Variants in ZBTB20 observed in about 807,000 individuals in gnomAD.
ZBTB20 encodes zinc finger and BTB domain-containing protein 20.
A neutral mutation model predicts 56.9 loss-of-function variants in ZBTB20; 9 were observed. That is an observed-to-expected ratio of 0.16 (90% CI 0.10 to 0.28). The LOEUF (loss-of-function observed/expected upper bound fraction) is 0.28, where lower values mean the gene tolerates loss of function less well. ZBTB20 is among the 10% of genes least tolerant of loss of function. ZBTB20 has a pLI of 1.00. For synonymous variants in ZBTB20, 417 were observed against 420.7 expected, an observed-to-expected ratio of 0.99 and a Z score of 0.11; for missense variants, 655 against 1,003.0, an observed-to-expected ratio of 0.65 and a Z score of 4.69.
chr3:114,851,806 T>C (rs751274321), intron 4 of ZBTB20, among the ~76,000 whole-genome samples: 12 of 152,184 alleles, frequency 7.9e-5, no homozygotes, highest in Non-Finnish European at 1.5e-4. Flanking sequence ...TTTAAAGATA[T>C]GGATATTCCT....
intron 2 of ZBTB20, among the ~76,000 whole-genome samples, chr3:114,990,684 C>CTCTGGTAG (rs1251286726): frequency 1.3e-5 from 2 of 152,112 alleles, no homozygotes; most frequent in Admixed American, 6.6e-5. Flanking sequence ...GGAATGGTAC[C>CTCTGGTAG]AGCTCCTCCT....
chr3:115,009,518 A>G (rs1187867376), intron 2 of ZBTB20, among the ~76,000 whole-genome samples: 2 of 151,916 alleles, frequency 1.3e-5, no homozygotes, highest in Non-Finnish European at 2.9e-5. Context: ...TAGAGGTTAC[A>G]TATGTGCATG....
chr3:114,730,725 A>C (rs2065673139), intron 5 of ZBTB20, among the ~76,000 whole-genome samples: 1 of 152,184 alleles, frequency 6.6e-6, no homozygotes, highest in Non-Finnish European at 1.5e-5. Context: ...TAGCCTCCAG[A>C]GTTGTGAGAA....
At chr3:114,573,267 C>T (rs1288721033) in intron 6 of ZBTB20, among the ~76,000 whole-genome samples, 3 of 151,950 alleles carry the variant, frequency 2.0e-5, no homozygotes, top group Non-Finnish European at 2.9e-5. Flanking sequence ...CGAGACCACC[C>T]TAGGCAACAT....
At chr3:114,917,178 G>A (rs956722496) in intron 3 of ZBTB20, among the ~76,000 whole-genome samples, 51 of 152,118 alleles carry the variant, frequency 3.4e-4, no homozygotes, top group African/African-American at 1.2e-3. Flanking sequence ...TCTTCAGGGT[G>A]TCAACTGCAT....
At chr3:114,814,523 C>T (rs2072783525) in intron 4 of ZBTB20, among the ~76,000 whole-genome samples, 1 of 152,102 alleles carries the variant, frequency 6.6e-6, no homozygotes, top group Non-Finnish European at 1.5e-5. Flanking sequence ...TAGTTTTCTT[C>T]TACCTTCGAA....
At chr3:114,781,798 C>A (rs2070118262) in intron 5 of ZBTB20, among the ~76,000 whole-genome samples, 1 of 152,142 alleles carries the variant, frequency 6.6e-6, no homozygotes, top group South Asian at 2.1e-4. Context: ...GTGAATAAGT[C>A]TCATGAGATC....
At chr3:114,529,480 T>C (rs1405781236) in intron 6 of ZBTB20, 1 of 152,208 alleles carries the variant, frequency 6.6e-6, no homozygotes. Context: ...CGAGACATTA[T>C]GTCTCTTTTA....
At chr3:114,611,912 T>A (rs1049767784) in intron 6 of ZBTB20, among the ~76,000 whole-genome samples, 1 of 152,232 alleles carries the variant, frequency 6.6e-6, no homozygotes, top group Non-Finnish European at 1.5e-5. Flanking sequence ...GCATTCTAAC[T>A]GTCTGATAGC....
chr3:115,085,887 T>A (rs775106463), intron 1 of ZBTB20, among the ~76,000 whole-genome samples: 2 of 151,890 alleles, frequency 1.3e-5, no homozygotes, highest in Non-Finnish European at 2.9e-5. Flanking sequence ...TGAAGCTGAG[T>A]ATTTAAATGG....
At chr3:114,736,271 T>C (rs1271949969) in intron 5 of ZBTB20, among the ~76,000 whole-genome samples, 1 of 152,192 alleles carries the variant, frequency 6.6e-6, no homozygotes, top group African/African-American at 2.4e-5. Context: ...GAATGTTGCT[T>C]AGCATGTTGC....
intron 7 of ZBTB20, among the ~76,000 whole-genome samples, chr3:114,442,320 A>G (rs1389959885): frequency 2.0e-5 from 3 of 152,192 alleles, no homozygotes; most frequent in African/African-American, 7.2e-5. Flanking sequence ...AAACTACTAG[A>G]GAATGCTCCC....
At chr3:114,580,654 TATAACA>T (rs1293793529) in intron 6 of ZBTB20, among the ~76,000 whole-genome samples, 1 of 151,770 alleles carries the variant, frequency 6.6e-6, no homozygotes, top group Non-Finnish European at 1.5e-5. Context: ...TTGCTGAATA[TATAACA>T]ATAATAACCA....
At chr3:114,708,777 A>C (rs1192652869) in intron 5 of ZBTB20, among the ~76,000 whole-genome samples, 1 of 152,312 alleles carries the variant, frequency 6.6e-6, no homozygotes, top group Admixed American at 6.5e-5. Flanking sequence ...TTGTTTAAGA[A>C]GTGATAGTTG....
In ZBTB20 at chr3:114,997,801, C is replaced by A. The variant is rs1010879185; in HGVS notation, c.-506-23385G>T. Among the ~76,000 whole-genome samples the A allele has an allele frequency of 5.3e-5, 8 of 151,822 alleles. 1 individual carries two copies. The South Asian group carries it at 1.7e-3, about 31-fold the overall frequency. On this transcript the variant is annotated intron_variant, in intron 2 of 11. Coordinates refer to ENST00000675478, the MANE Select transcript of ZBTB20 (RefSeq NM_001348800.3). ...GATACCACTAGCTAGTCCCACCCAG[C>A]TGACCCAGGATATTTACAGATTTTA...
At chr3:114,922,939 G>A (rs949755642) in intron 3 of ZBTB20, among the ~76,000 whole-genome samples, 1 of 152,184 alleles carries the variant, frequency 6.6e-6, no homozygotes, top group Admixed American at 6.5e-5. Flanking sequence ...CATGAGGTTT[G>A]TGGGGACAGA....
intron 4 of ZBTB20, among the ~76,000 whole-genome samples, chr3:114,889,922 C>G (rs181456527): frequency 2.4e-4 from 36 of 152,150 alleles, no homozygotes; most frequent in Middle Eastern, 3.4e-3. Context: ...ATTATGATGA[C>G]TAATGAGAGG....
At chr3:114,496,450 C>T (rs2043286830) in intron 7 of ZBTB20, among the ~76,000 whole-genome samples, 1 of 152,188 alleles carries the variant, frequency 6.6e-6, no homozygotes, top group Non-Finnish European at 1.5e-5. Flanking sequence ...GTTCTGCACT[C>T]AGGTCACTGG....
intron 5 of ZBTB20, among the ~76,000 whole-genome samples, chr3:114,746,571 A>G (rs2067062892): frequency 6.6e-6 from 1 of 152,086 alleles, no homozygotes; most frequent in African/African-American, 2.4e-5. Flanking sequence ...GATTTCTTGC[A>G]TACACTATCC....
Sources: gnomAD v4.1 joint callset for allele counts (sites outside exome capture counted in the v4.1 genomes callset) on GRCh38, gnomAD v4.1.1 for gene constraint, MANE v1.5 for transcripts, NCBI Gene and HGNC (gene_info 2026-07-23, HGNC 2026-07-21) for gene names.